The following ZNF385D variants were observed in gnomAD, a reference collection of about 807,000 sequenced individuals.
The protein encoded by ZNF385D is zinc finger protein 659.
In ZNF385D, 15 loss-of-function variants were observed where a neutral mutation model predicts 35.8. That is an observed-to-expected ratio of 0.42 (90% confidence interval 0.28 to 0.64). The LOEUF (loss-of-function observed/expected upper bound fraction) is 0.64. Ranked by LOEUF, ZNF385D falls within the 30% of genes least tolerant of loss-of-function variation. ZNF385D has a pLI of 0.23. For missense variants in ZNF385D, 474 were observed against 494.6 expected, an observed-to-expected ratio of 0.96 and a Z score of 0.39; for synonymous variants, 212 against 186.8, an observed-to-expected ratio of 1.13 and a Z score of -1.10.
intron 3 of ZNF385D, among the ~76,000 whole-genome samples, chr3:21,966,920 A>G (rs1455381885): frequency 6.6e-6 from 1 of 152,198 alleles, no homozygotes; most frequent in Non-Finnish European, 1.5e-5. Context: ...ATTTACTTCT[A>G]ATTTTTTAGA....
chr3:21,908,996 T>C (rs1275658442), intron 3 of ZNF385D, among the ~76,000 whole-genome samples: 1 of 152,114 alleles, frequency 6.6e-6, no homozygotes, highest in South Asian at 2.1e-4. Context: ...CCTCAGAATT[T>C]TTTTTAAATG....
In ZNF385D at chr3:21,508,969, CT is replaced by C. The variant is rs200174782; in HGVS notation, c.439+1891del. The stretch of plus-strand genomic sequence containing the variant: ...TTAACAGAGACAACACACCTGGGGG[CT>C]TTTTTTTTTTTTCTTTTTCTTTTTT... On this transcript the variant is annotated intron_variant, in intron 4 of 7. Transcript: ENST00000281523. Among the ~76,000 whole-genome samples the C allele has an allele frequency of 2.4e-3, 337 of 142,356 alleles. 2 individuals carry two copies. The highest frequency in any genetic ancestry group is 7.1e-3 in the African/African-American group (276 of 38,934). 93.4% of individuals were successfully genotyped at this position (142,356 alleles called of 152,430 possible).
upstream of ZNF385D, among the ~76,000 whole-genome samples, chr3:21,753,447 C>T (rs1305393070): frequency 1.3e-5 from 2 of 152,118 alleles, no homozygotes; most frequent in Non-Finnish European, 2.9e-5. Flanking sequence ...ATAGAACATG[C>T]CAATCTTTGC....
intron 3 of ZNF385D, among the ~76,000 whole-genome samples, chr3:21,770,892 T>C (rs1202135935): frequency 1.6e-4 from 25 of 152,058 alleles, no homozygotes; most frequent in Non-Finnish European, 3.2e-4. Flanking sequence ...ATATACACCA[T>C]GGAATACAAT....
rs181361410 is a variant in ZNF385D, at chr3:21,665,005, G to A, written c.46C>T (p.Leu16Phe). The A allele has an allele frequency of 2.2e-5, 36 of 1,612,492 alleles. No homozygotes were observed. In the Admixed American group the frequency reaches 3.5e-4, roughly 16 times the overall value. ...YFGGTCQSPA[L>F]PALVRPPAPP... ...GCTGGTGGACGGACAAGGGCCGGGA[G>A]AGCAGGACTCTGGCATGTACCACCT... The change falls in exon 2 of 8, where the codon CTC (leucine) becomes TTC (phenylalanine). Residue 16 changes from leucine (L) to phenylalanine (F), a missense_variant. By Grantham distance (22) the Leu-to-Phe change is conservative. Coordinates refer to ENST00000281523, the MANE Select transcript of ZNF385D (RefSeq NM_024697.3).
intron 3 of ZNF385D, among the ~76,000 whole-genome samples, chr3:22,011,670 A>G (rs1306107079): frequency 6.6e-6 from 1 of 152,130 alleles, no homozygotes; most frequent in Non-Finnish European, 1.5e-5. Context: ...ATCTAATGAT[A>G]TAATAAAAGC....
chr3:21,672,633 G>C (rs2066611282), intron 1 of ZNF385D, among the ~76,000 whole-genome samples: 1 of 152,180 alleles, frequency 6.6e-6, no homozygotes, highest in Non-Finnish European at 1.5e-5. Flanking sequence ...ACATGGAAGT[G>C]ATCTGGGTTT....
In ZNF385D at chr3:22,277,623, TC is replaced by T. The variant is rs369748228; in HGVS notation, c.106+94826del. Reference sequence around the variant, plus strand: ...GTAGTAAAGAAAGCAGGATTCTCAGTCTCATGAAACTCATAATATTATGGAA... The same window carrying T: ...GTAGTAAAGAAAGCAGGATTCTCAGTTCATGAAACTCATAATATTATGGAA... On this transcript the variant is annotated intron_variant, in intron 2 of 5. Transcript: ENST00000494108. 2.9e-3 allele frequency among the ~76,000 whole-genome samples: 445 copies of T among 152,230 alleles called. 7 individuals carry two copies. The highest frequency in any genetic ancestry group is 9.5e-3 in the African/African-American group (394 of 41,556).
chr3:22,107,021 T>A (rs2336750), intron 3 of ZNF385D, among the ~76,000 whole-genome samples: 13,627 of 118,216 alleles, frequency 0.12, 1,012 homozygotes, highest in Middle Eastern at 0.22. Context: ...AACTTTGGAA[T>A]GAGAGTTTTT....
intron 4 of ZNF385D, among the ~76,000 whole-genome samples, chr3:21,460,677 T>G (rs1703112800): frequency 1.3e-5 from 2 of 151,714 alleles, no homozygotes. Flanking sequence ...TCATTTTCTA[T>G]TCACTACAAT....
intron 2 of ZNF385D, among the ~76,000 whole-genome samples, chr3:22,245,995 G>A (rs1267799696): frequency 6.6e-6 from 1 of 152,074 alleles, no homozygotes; most frequent in Middle Eastern, 3.2e-3. Context: ...CTCAGTGACA[G>A]TGCCACGAAG....
At position 21,416,969 on chromosome 3, in the gene ZNF385D, G is replaced by A. The variant is rs1293536571; in HGVS notation, c.*4245C>T. 1 of 152,034 alleles carries A rather than the reference G, an allele frequency of 6.6e-6. No homozygotes were observed. The highest frequency in any genetic ancestry group is 2.4e-5 in the African/African-American group (1 of 41,404). 9.4% of individuals were successfully genotyped at this position (152,034 alleles called of 1,614,324 possible). A position where few individuals can be genotyped will look rare whatever the true frequency, so the allele number is the denominator to read the frequency against. On this transcript the variant is annotated 3_prime_UTR_variant, in exon 8 of 8. Transcript: ENST00000281523. ...CAGAATTTATTACATTCTTGACTGG[G>A]AAAATAGAAGTAGCATATCTTACAT...
intron 2 of ZNF385D, among the ~76,000 whole-genome samples, chr3:22,220,525 C>T (rs2125278948): frequency 6.6e-6 from 1 of 152,280 alleles, no homozygotes; most frequent in Middle Eastern, 3.4e-3. Flanking sequence ...CCTTGATCAT[C>T]TGAATCTCTC....
intron 3 of ZNF385D, among the ~76,000 whole-genome samples, chr3:22,140,998 G>T (rs557266773): frequency 6.6e-6 from 1 of 152,152 alleles, no homozygotes. Context: ...AACACAAATT[G>T]TATATCAATA....
intron 2 of ZNF385D, among the ~76,000 whole-genome samples, chr3:22,313,900 A>C (rs1703734427): frequency 6.6e-6 from 1 of 152,058 alleles, no homozygotes; most frequent in Admixed American, 6.6e-5. Context: ...TCTTCTATTC[A>C]CTTCTTGGTT....
At chr3:21,850,818 T>C (rs1453039741) in intron 3 of ZNF385D, among the ~76,000 whole-genome samples, 1 of 152,086 alleles carries the variant, frequency 6.6e-6, no homozygotes, top group East Asian at 1.9e-4. Flanking sequence ...ATACCTTTCC[T>C]AGTGGGCCTT....
At chr3:21,631,484 T>A (rs955090838) in intron 2 of ZNF385D, among the ~76,000 whole-genome samples, 1 of 152,110 alleles carries the variant, frequency 6.6e-6, no homozygotes, top group Non-Finnish European at 1.5e-5. Flanking sequence ...AAATCCCTCT[T>A]TGGAGAAAAT....
intron 2 of ZNF385D, among the ~76,000 whole-genome samples, chr3:22,356,337 G>T (rs1048903989): frequency 2.6e-5 from 4 of 151,946 alleles, no homozygotes; most frequent in African/African-American, 9.7e-5. Context: ...ATATGCTGTT[G>T]TTTCAAGTAT....
In ZNF385D at chr3:21,522,490, C is replaced by A. The variant is rs183461240; in HGVS notation, c.277-11467G>T. 2.6e-3 allele frequency among the ~76,000 whole-genome samples: 393 copies of A among 152,234 alleles called. 1 individual carries two copies. The highest frequency in any genetic ancestry group is 4.0e-3 in the Non-Finnish European group (274 of 68,008). On this transcript the variant is annotated intron_variant, in intron 3 of 7. Coordinates refer to ENST00000281523, the MANE Select transcript of ZNF385D (RefSeq NM_024697.3). ...GAGTAGCTGGGACTACAGGCATCTGCCACCACACCCAGCTAATTATTGTAT... is the reference window on the plus strand; with the variant it reads ...GAGTAGCTGGGACTACAGGCATCTGACACCACACCCAGCTAATTATTGTAT...
Sources: gnomAD v4.1 joint callset for allele counts (sites outside exome capture counted in the v4.1 genomes callset) on GRCh38, gnomAD v4.1.1 for gene constraint, MANE v1.5 for transcripts, NCBI Gene and HGNC (gene_info 2026-07-23, HGNC 2026-07-21) for gene names.